KREMEN1: variants seen among roughly 807,000 people sequenced by gnomAD.
The protein encoded by KREMEN1 is kremen protein 1.
Under a neutral mutation model 46.5 loss-of-function variants are expected in KREMEN1, and 30 were observed. That is an observed-to-expected ratio of 0.65 (90% CI 0.48 to 0.88). KREMEN1 has a LOEUF of 0.88. KREMEN1 is among the 40% of genes least tolerant of loss of function. KREMEN1 has a pLI of 0.00. For synonymous variants in KREMEN1, 214 were observed against 230.6 expected (o/e 0.93, Z 0.65); for missense variants, 533 against 596.9 (o/e 0.89, Z 1.11).
At chr22:29,164,521 G>A (rs1427110776) in intron 9 of KREMEN1, among the ~76,000 whole-genome samples, 2 of 152,116 alleles carry the variant, frequency 1.3e-5, no homozygotes, top group Non-Finnish European at 2.9e-5. Context: ...GCCAAGGCAG[G>A]CAGATCATGA....
chr22:29,123,683 G>A (rs934044739), intron 4 of KREMEN1, among the ~76,000 whole-genome samples: 2 of 152,152 alleles, frequency 1.3e-5, no homozygotes, highest in East Asian at 1.9e-4. Flanking sequence ...CCAGTTACTC[G>A]GGAAGCTGAG....
rs2145861341 is a variant in KREMEN1 at position 29,145,640 on chromosome 22, T to C, written c.*3528T>C. 2 of 985,508 alleles carry C rather than the reference T, an allele frequency of 2.0e-6. No individual in the cohort carries two copies. The highest frequency in any genetic ancestry group is 4.7e-5 in the South Asian group (1 of 21,294). 61.0% of individuals were successfully genotyped at this position (985,508 alleles called of 1,614,324 possible). A position where few individuals can be genotyped will look rare whatever the true frequency, so the allele number is the denominator to read the frequency against. Reference sequence around the variant, plus strand: ...CGGGAGGCACACGGTGCCCTGTTCTTCCCCGTTTGTCCAGTTGCTTGCAAA... The same window carrying C: ...CGGGAGGCACACGGTGCCCTGTTCTCCCCCGTTTGTCCAGTTGCTTGCAAA... On this transcript the variant is annotated 3_prime_UTR_variant, in exon 9 of 9. Coordinates refer to ENST00000400335, the MANE Select transcript of KREMEN1 (RefSeq NM_001039570.3).
In KREMEN1 at chr22:29,105,469, A is replaced by G. The variant is rs1005333116; in HGVS notation, c.352+6516A>G. On this transcript the variant is annotated intron_variant, in intron 3 of 8. Transcript: ENST00000400335. ...TGCATGAGCGTGCGTGTGCGCACACACACACACATACACACACACACACAC... is the reference window on the plus strand; with the variant it reads ...TGCATGAGCGTGCGTGTGCGCACACGCACACACATACACACACACACACAC... Among the ~76,000 whole-genome samples the G allele has an allele frequency of 5.0e-5, 6 of 119,232 alleles. No homozygotes were observed. The East Asian group carries it at 1.4e-3, about 27-fold the overall frequency. The allele number at this position is 119,232 out of a possible 152,430, so 78.2% of individuals were successfully genotyped here. A position where few individuals can be genotyped will look rare whatever the true frequency, so the allele number is the denominator to read the frequency against.
At chr22:29,123,366 C>T (rs1249714091) in intron 4 of KREMEN1, among the ~76,000 whole-genome samples, 2 of 143,810 alleles carry the variant, frequency 1.4e-5, no homozygotes, top group African/African-American at 5.1e-5. Context: ...AAAAGCCAAA[C>T]AACTCAATAG....
intron 4 of KREMEN1, among the ~76,000 whole-genome samples, chr22:29,122,567 A>G (rs753063105): frequency 3.9e-5 from 6 of 152,224 alleles, no homozygotes; most frequent in Non-Finnish European, 8.8e-5. Flanking sequence ...CTAAACGTCC[A>G]TTAACTGATG....
intron 1 of KREMEN1, among the ~76,000 whole-genome samples, chr22:29,074,944 G>A (rs470021): frequency 6.6e-6 from 1 of 152,180 alleles, no homozygotes; most frequent in East Asian, 1.9e-4. Flanking sequence ...TACTTTTATA[G>A]GGCCTCACAG....
chr22:29,155,827 C>A (rs1034562866), intron 9 of KREMEN1, among the ~76,000 whole-genome samples: 2 of 150,532 alleles, frequency 1.3e-5, no homozygotes, highest in Non-Finnish European at 3.0e-5. Context: ...GGTGTGGTGG[C>A]GCGTGCCTGT....
Position 29,094,396 on chromosome 22 carries a change from G to T in KREMEN1, c.236G>T (p.Gly79Val), listed in dbSNP as rs777119022. ...NTLKYPNGEG[G>V]LGEHNYCRNP... is the part of the protein sequence containing the mutation. ...CTGAAATACCCCAACGGGGAGGGGGGCCTGGGTGAGCACAACTATTGCAGG... is the reference window on the plus strand; with the variant it reads ...CTGAAATACCCCAACGGGGAGGGGGTCCTGGGTGAGCACAACTATTGCAGG... The change falls in exon 2 of 9, where the codon GGC (glycine) becomes GTC (valine). Residue 79 changes from glycine (G) to valine (V), a missense_variant. Physicochemically the swap from Gly to Val is moderately radical, Grantham distance 109 (BLOSUM62 -3). Transcript: ENST00000400335. 3.1e-6 allele frequency: 5 copies of T among 1,613,424 alleles called. No individual in the cohort carries two copies. Among genetic ancestry groups the T allele is most frequent in the Middle Eastern group, 1.7e-4 (1 of 6,046 alleles).
chr22:29,100,461 T>A (rs542563227), intron 3 of KREMEN1, among the ~76,000 whole-genome samples: 2 of 152,312 alleles, frequency 1.3e-5, no homozygotes, highest in South Asian at 4.1e-4. Context: ...TGCCTACTGA[T>A]GTTGTAGCTG....
chr22:29,163,481 G>A (rs2039029674), intron 9 of KREMEN1, among the ~76,000 whole-genome samples: 1 of 151,862 alleles, frequency 6.6e-6, no homozygotes. Flanking sequence ...GGGTTCAAAC[G>A]ATTCTCTTAC....
chr22:29,095,236 G>C (rs2037866875), intron 2 of KREMEN1, among the ~76,000 whole-genome samples: 1 of 152,174 alleles, frequency 6.6e-6, no homozygotes, highest in Non-Finnish European at 1.5e-5. Flanking sequence ...CTTCCTTTTA[G>C]TCGACTAAGG....
At chr22:29,133,105 A>G (rs2038589954) in intron 5 of KREMEN1, among the ~76,000 whole-genome samples, 1 of 152,002 alleles carries the variant, frequency 6.6e-6, no homozygotes, top group Admixed American at 6.6e-5. Context: ...AAAATTAGCC[A>G]GGCGAGGTGG....
intron 3 of KREMEN1, among the ~76,000 whole-genome samples, chr22:29,107,218 C>CTTTTTTT (rs1188000476): frequency 8.9e-6 from 1 of 111,920 alleles, no homozygotes; most frequent in Non-Finnish European, 1.7e-5. Flanking sequence ...ACCATTTATA[C>CTTTTTTT]TTTTTTTTTT....
chr22:29,140,244 TA>T (rs769430638), intron 7 of KREMEN1, 37 bp from the exon 8 acceptor site: 55 of 1,564,834 alleles, frequency 3.5e-5, no homozygotes, highest in Non-Finnish European at 1.3e-5. Context: ...AAACCAACCA[TA>T]AACAAGTCTG....
intron 9 of KREMEN1, among the ~76,000 whole-genome samples, chr22:29,155,101 A>G (rs1370097040): frequency 1.7e-5 from 2 of 117,916 alleles, no homozygotes; most frequent in African/African-American, 6.2e-5. Context: ...AGAACAAAGC[A>G]TAAGTGTAAT....
chr22:29,126,949 A>G (rs1440918702), intron 5 of KREMEN1, among the ~76,000 whole-genome samples: 2 of 152,210 alleles, frequency 1.3e-5, no homozygotes, highest in Non-Finnish European at 2.9e-5. Context: ...GCTAATGCTT[A>G]GTTGGCAAAT....
intron 3 of KREMEN1, among the ~76,000 whole-genome samples, chr22:29,113,211 G>A (rs1357028431): frequency 1.3e-5 from 2 of 152,196 alleles, no homozygotes. Context: ...CCCACACAAG[G>A]CCTTTAACCT....
intron 3 of KREMEN1, among the ~76,000 whole-genome samples, chr22:29,112,455 A>G (rs1276295169): frequency 1.3e-5 from 2 of 152,178 alleles, no homozygotes; most frequent in Non-Finnish European, 1.5e-5. Context: ...ATGAAGCCAC[A>G]GTTATATTCA....
chr22:29,085,717 G>A (rs941715918), intron 1 of KREMEN1, among the ~76,000 whole-genome samples: 2 of 152,180 alleles, frequency 1.3e-5, no homozygotes, highest in Admixed American at 6.5e-5. Flanking sequence ...GCTCTTGCCT[G>A]TAATCCTAGC....
Sources: gnomAD v4.1 joint callset for allele counts (sites outside exome capture counted in the v4.1 genomes callset) on GRCh38, gnomAD v4.1.1 for gene constraint, MANE v1.5 for transcripts, NCBI Gene and HGNC (gene_info 2026-07-23, HGNC 2026-07-21) for gene names.